PIN4: variants seen among roughly 807,000 people sequenced by gnomAD.
The protein encoded by PIN4 is peptidylprolyl cis/trans isomerase, NIMA-interacting 4.
PIN4 carries 3 observed loss-of-function variants against 8.3 expected under a neutral mutation model. The observed-to-expected ratio is 0.36, with a 90% CI of 0.16 to 0.93. PIN4 has a LOEUF of 0.93. Ranked by LOEUF, PIN4 falls within the 40% of genes least tolerant of loss-of-function variation. The pLI is 0.44. For missense variants in PIN4, 75 were observed against 100.6 expected (o/e 0.75, Z 1.09); for synonymous variants, 18 against 32.5 (o/e 0.55, Z 1.52).
At position 72,206,318 on chromosome X, in the gene PIN4, C is replaced by T. The variant is rs767335608; in HGVS notation, c.312+9414C>T. The T allele has an allele frequency of 4.1e-5, 50 of 1,207,448 alleles. No individual in the cohort carries two copies. The South Asian group carries it at 8.9e-4, about 21-fold the overall frequency. On this transcript the variant is annotated intron_variant, in intron 3 of 3. Coordinates refer to the PIN4 transcript ENST00000423432. ...CAAAGTTCTTCTACACTTCCAAACC[C>T]CTTTGGTAAAGTAGCTATAGAGTCA...
At chrX:72,219,573 C>T (rs1186863676) in intron 3 of PIN4, among the ~76,000 whole-genome samples, 3 of 103,450 alleles carry the variant, frequency 2.9e-5, no homozygotes, top group Non-Finnish European at 5.9e-5. Flanking sequence ...ATAGACTAGG[C>T]GTGATAGCTC....
chrX:72,193,543 T>C (rs1410238825), intron 2 of PIN4, among the ~76,000 whole-genome samples: 1 of 110,742 alleles, frequency 9.0e-6, no homozygotes, highest in Non-Finnish European at 1.9e-5. Context: ...ATAAAAAAGT[T>C]TAAAAATTAA....
intron 1 of PIN4, among the ~76,000 whole-genome samples, chrX:72,185,780 T>C (rs2042699750): frequency 2.7e-5 from 3 of 112,637 alleles, no homozygotes; most frequent in South Asian, 7.2e-4. Context: ...AATTTGGACA[T>C]GAATGTATTC....
In PIN4 at chrX:72,197,732, TTCAG is replaced by T. The variant is rs201724035; in HGVS notation, c.*213_*216del. ...AAGTGAATGTCAACTGTAGTAGGTA[TTCAG>T]TCAGTCTTTCTCAAAGAGAAGTCAA... On this transcript the variant is annotated 3_prime_UTR_variant, in exon 4 of 4. Coordinates refer to ENST00000373669, the MANE Select transcript of PIN4 (RefSeq NM_006223.4). 1.2e-3 allele frequency: 1,128 copies of T among 959,014 alleles called. 9 individuals carry two copies. The African/African-American group carries it at 0.021, about 18-fold the overall frequency. The allele number at this position is 959,014 out of a possible 1,213,427, so 79.0% of individuals were successfully genotyped here.
rs942251994 is a variant in PIN4, at chrX:72,246,029, C to T, written c.313-16678C>T. On this transcript the variant is annotated intron_variant, in intron 3 of 3. Transcript: ENST00000423432. ...CTCACAATTCTGTCTCTAGCCTCAT[C>T]GTCTCTCCTGAGATTTGGACCTAGA... 9.0e-5 allele frequency among the ~76,000 whole-genome samples: 10 copies of T among 111,470 alleles called. No homozygotes were observed. The East Asian group carries it at 1.4e-3, about 16-fold the overall frequency.
chrX:72,197,278 T>C, intron 3 of PIN4, 90 bp from the exon 4 acceptor site: 2 of 846,807 alleles, frequency 2.4e-6, no homozygotes, highest in Non-Finnish European at 3.4e-6. Context: ...CTCGTAACCT[T>C]AGCAAAATGT....
At chrX:72,255,432 A>G (rs1449922887) in intron 3 of PIN4, among the ~76,000 whole-genome samples, 2 of 109,447 alleles carry the variant, frequency 1.8e-5, no homozygotes, top group African/African-American at 3.3e-5. Flanking sequence ...ACCGACAGGG[A>G]AATCAAGGCT....
intron 3 of PIN4, chrX:72,208,730 G>A (rs2042835791): frequency 9.2e-7 from 1 of 1,089,565 alleles, no homozygotes; most frequent in Non-Finnish European, 1.2e-6. Flanking sequence ...GAGGAGAAAG[G>A]AAACATTGAA....
At chrX:72,218,896 T>C (rs1164021474) in intron 3 of PIN4, among the ~76,000 whole-genome samples, 1 of 112,834 alleles carries the variant, frequency 8.9e-6, no homozygotes, top group Non-Finnish European at 1.9e-5. Flanking sequence ...TAGTTTTCAG[T>C]ATCTAAGTGT....
intron 3 of PIN4, among the ~76,000 whole-genome samples, chrX:72,212,185 G>C (rs2042859006): frequency 1.8e-5 from 2 of 110,318 alleles, no homozygotes; most frequent in Admixed American, 1.9e-4. Flanking sequence ...GCTGAGGCAT[G>C]AGAATCACGT....
intron 2 of PIN4, among the ~76,000 whole-genome samples, chrX:72,190,134 C>T (rs2042724481): frequency 9.0e-6 from 1 of 111,229 alleles, no homozygotes; most frequent in Admixed American, 9.6e-5. Context: ...TTCTCCTAGG[C>T]TTCATGTTTG....
chrX:72,252,415 G>T (rs767771809), intron 3 of PIN4, among the ~76,000 whole-genome samples: 1 of 107,579 alleles, frequency 9.3e-6, no homozygotes, highest in East Asian at 2.9e-4. Context: ...ACAGAGTCTC[G>T]CTCTGTCACC....
rs1048145842 is a variant in PIN4 at position 72,186,308 on chromosome X, G to A, written c.44-153G>A. The A allele has an allele frequency of 2.2e-5, 11 of 510,313 alleles. No homozygotes were observed. In the African/African-American group the frequency reaches 2.6e-4, roughly 12 times the overall value. 42.1% of individuals were successfully genotyped at this position (510,313 alleles called of 1,213,427 possible). A position where few individuals can be genotyped will look rare whatever the true frequency, so the allele number is the denominator to read the frequency against. On this transcript the variant is annotated intron_variant, in intron 1 of 3. Transcript: ENST00000373669. The stretch of plus-strand genomic sequence containing the variant: ...TCTTCCATTGTGGCCCAGGGAAGCT[G>A]AAAGGTTGGATACCCTTGTTGTAAA...
intron 3 of PIN4, among the ~76,000 whole-genome samples, chrX:72,254,673 T>C (rs1262653622): frequency 8.9e-6 from 1 of 112,646 alleles, no homozygotes; most frequent in African/African-American, 3.2e-5. Flanking sequence ...TTTAAAAACT[T>C]GAGATCTGTG....
At chrX:72,189,007 A>G (rs764963731) in intron 2 of PIN4, among the ~76,000 whole-genome samples, 51 of 111,621 alleles carry the variant, frequency 4.6e-4, no homozygotes, top group African/African-American at 1.6e-3. Flanking sequence ...GTTTTAAGAA[A>G]TAATACATCT....
chrX:72,201,529 A>G (rs1270784407), downstream of PIN4, among the ~76,000 whole-genome samples: 1 of 111,592 alleles, frequency 9.0e-6, no homozygotes, highest in African/African-American at 3.3e-5. Flanking sequence ...GGATTGCTTG[A>G]GCCCAGGAGG....
At chrX:72,261,603 G>A (rs1416024671) in intron 3 of PIN4, among the ~76,000 whole-genome samples, 1 of 112,204 alleles carries the variant, frequency 8.9e-6, no homozygotes, top group African/African-American at 3.2e-5. Flanking sequence ...GAGGGTGAGA[G>A]AGGAGAGAGG....
chrX:72,211,403 A>G (rs2042853403), intron 3 of PIN4, among the ~76,000 whole-genome samples: 1 of 111,410 alleles, frequency 9.0e-6, no homozygotes, highest in Admixed American at 9.6e-5. Flanking sequence ...TTTTAATTCC[A>G]TAGGAATGGA....
At position 72,207,413 on chromosome X, in the gene PIN4, C is replaced by T. The variant is rs1228769983; in HGVS notation, c.312+10509C>T. The T allele has an allele frequency of 3.3e-5, 40 of 1,211,183 alleles. No homozygotes were observed. Among genetic ancestry groups the T allele is most frequent in the Non-Finnish European group, 4.5e-5 (40 of 895,259 alleles). ...CCAGATTCTTCCATCAATGTGTCAT[C>T]AGTTACTTGATCAATATGGTCCACA... On this transcript the variant is annotated intron_variant, in intron 3 of 3. Transcript: ENST00000423432.
Sources: gnomAD v4.1 joint callset for allele counts (sites outside exome capture counted in the v4.1 genomes callset) on GRCh38, gnomAD v4.1.1 for gene constraint, MANE v1.5 for transcripts, NCBI Gene and HGNC (gene_info 2026-07-23, HGNC 2026-07-21) for gene names.